Variants in MIPOL1 observed in about 807,000 individuals in gnomAD.
MIPOL1 encodes the protein mirror-image polydactyly 1.
In MIPOL1, 57 loss-of-function variants were observed where a neutral mutation model predicts 60.9. The observed-to-expected ratio is 0.94, with a 90% CI of 0.76 to 1.17. The LOEUF is 1.17. MIPOL1 is among the 50% of genes most tolerant of loss of function. The pLI, the probability that MIPOL1 is intolerant of heterozygous loss-of-function variation, is 0.00. For missense variants in MIPOL1, 551 were observed against 511.6 expected, an observed-to-expected ratio of 1.08 and a Z score of -0.74; for synonymous variants, 179 against 168.8, an observed-to-expected ratio of 1.06 and a Z score of -0.47.
At chr14:37,245,391 T>C (rs1357341698) in intron 1 of MIPOL1, among the ~76,000 whole-genome samples, 5 of 152,152 alleles carry the variant, frequency 3.3e-5, no homozygotes, top group Non-Finnish European at 4.4e-5. Flanking sequence ...AATTTTTACA[T>C]GAATAATAAG....
chr14:37,425,693 A>T (rs1322321686), intron 11 of MIPOL1, among the ~76,000 whole-genome samples: 2 of 152,198 alleles, frequency 1.3e-5, no homozygotes, highest in African/African-American at 4.8e-5. Context: ...CAATGTTAAG[A>T]TATATTTCTT....
At chr14:37,510,419 T>C (rs936457143) in intron 12 of MIPOL1, among the ~76,000 whole-genome samples, 1 of 152,010 alleles carries the variant, frequency 6.6e-6, no homozygotes, top group African/African-American at 2.4e-5. Flanking sequence ...TTGTTTTTGG[T>C]AGAGATGAGG....
chr14:37,247,883 A>G lies in MIPOL1; in HGVS notation c.-6A>G, dbSNP rs1973425409. ...ATTGCCAGAGCAAACAAGAACAGAA[A>G]TACAAATGGAGAACTGGTCAAAAGG... On this transcript the variant is annotated 5_prime_UTR_variant, in exon 3 of 13. Transcript: ENST00000684589. 1 of 1,613,198 alleles carries G rather than the reference A, an allele frequency of 6.2e-7. No homozygotes were observed. The highest frequency in any genetic ancestry group is 8.5e-7 in the Non-Finnish European group (1 of 1,179,502).
At chr14:37,521,590 A>G (rs2095413255) in intron 12 of MIPOL1, among the ~76,000 whole-genome samples, 2 of 152,020 alleles carry the variant, frequency 1.3e-5, no homozygotes, top group African/African-American at 4.8e-5. Flanking sequence ...AGTTACAACT[A>G]CCAAAGAAAA....
chr14:37,256,844 C>T (rs1975020079), intron 3 of MIPOL1, among the ~76,000 whole-genome samples: 1 of 151,646 alleles, frequency 6.6e-6, no homozygotes, highest in Admixed American at 6.6e-5. Context: ...AGTCTCTGCC[C>T]CTCCCCCAAG....
At chr14:37,405,645 C>G (rs965235291) in intron 10 of MIPOL1, among the ~76,000 whole-genome samples, 4 of 151,830 alleles carry the variant, frequency 2.6e-5, no homozygotes, top group Non-Finnish European at 5.9e-5. Context: ...TAAAACTGTT[C>G]ATAAATGAGA....
intron 11 of MIPOL1, among the ~76,000 whole-genome samples, chr14:37,476,303 T>C (rs1018542325): frequency 6.6e-6 from 1 of 152,164 alleles, no homozygotes. Flanking sequence ...TTTGGTTGGT[T>C]GGTTGATTGG....
chr14:37,237,035 C>A (rs527645056), intron 1 of MIPOL1, among the ~76,000 whole-genome samples: 2 of 152,000 alleles, frequency 1.3e-5, no homozygotes, highest in African/African-American at 4.8e-5. Flanking sequence ...GTCATGTGGT[C>A]ACGTGTTAAT....
intron 11 of MIPOL1, among the ~76,000 whole-genome samples, chr14:37,432,612 T>C (rs1020688840): frequency 4.6e-5 from 7 of 152,252 alleles, no homozygotes; most frequent in African/African-American, 1.7e-4. Context: ...AAAATTTCTT[T>C]TTTTTTTAGA....
intron 12 of MIPOL1, among the ~76,000 whole-genome samples, chr14:37,527,704 G>A (rs892480001): frequency 6.6e-6 from 1 of 152,042 alleles, no homozygotes; most frequent in Non-Finnish European, 1.5e-5. Context: ...TTCAAATATT[G>A]TAAATGCTTA....
chr14:37,279,116 T>C (rs1337481186), intron 6 of MIPOL1, among the ~76,000 whole-genome samples: 2 of 151,440 alleles, frequency 1.3e-5, no homozygotes, highest in Non-Finnish European at 3.0e-5. Flanking sequence ...ACATAGTAGC[T>C]AATAATATTT....
chr14:37,274,216 A>G (rs2083483403), intron 6 of MIPOL1, among the ~76,000 whole-genome samples: 1 of 151,474 alleles, frequency 6.6e-6, no homozygotes, highest in African/African-American at 2.4e-5. Flanking sequence ...ACCTATGATA[A>G]ACTTTCATGT....
rs144132862 is a variant in MIPOL1, at chr14:37,548,370, C to G, written c.*1399C>G. The stretch of plus-strand genomic sequence containing the variant: ...AAAAGAATCATAATGCTAACAAACT[C>G]TATTTCTTCCTTATTAAATCTGTAT... On this transcript the variant is annotated 3_prime_UTR_variant, in exon 13 of 13. Coordinates refer to ENST00000684589, the MANE Select transcript of MIPOL1 (RefSeq NM_001388067.1). 6.6e-6 allele frequency: 1 copy of G among 152,068 alleles called. No homozygotes were observed. Among genetic ancestry groups the G allele is most frequent in the African/African-American group, 2.4e-5 (1 of 41,544 alleles). 9.4% of individuals were successfully genotyped at this position (152,068 alleles called of 1,614,324 possible).
intron 12 of MIPOL1, among the ~76,000 whole-genome samples, chr14:37,518,687 A>G (rs754999373): frequency 5.9e-5 from 9 of 152,164 alleles, no homozygotes; most frequent in Non-Finnish European, 1.2e-4. Flanking sequence ...AAAAGGGCTT[A>G]AAAGCAACAC....
chr14:37,209,365 T>G (rs2139263821), intron 1 of MIPOL1, among the ~76,000 whole-genome samples: 1 of 152,278 alleles, frequency 6.6e-6, no homozygotes, highest in East Asian at 1.9e-4. Context: ...TTTTAGAAAT[T>G]ATATAACATA....
intron 1 of MIPOL1, among the ~76,000 whole-genome samples, chr14:37,200,892 GTGTGTGTA>G (rs1398391337): frequency 5.2e-5 from 3 of 57,796 alleles, no homozygotes; most frequent in Non-Finnish European, 3.1e-5. Context: ...GTGTGTGTGT[GTGTGTGTA>G]TTTTTTTTTT....
At chr14:37,506,324 A>T (rs190484193) in intron 12 of MIPOL1, 1 of 152,116 alleles carries the variant, frequency 6.6e-6, no homozygotes, top group East Asian at 1.9e-4. Context: ...AAAGCTGGAG[A>T]CATCATGCTA....
chr14:37,517,231 G>C (rs536713160), intron 12 of MIPOL1, among the ~76,000 whole-genome samples: 1 of 152,234 alleles, frequency 6.6e-6, no homozygotes, highest in East Asian at 1.9e-4. Flanking sequence ...GCTTTGAAAA[G>C]TATAATGTGC....
chr14:37,251,669 CTA>C (rs1329439488), intron 3 of MIPOL1, among the ~76,000 whole-genome samples: 1 of 151,418 alleles, frequency 6.6e-6, no homozygotes, highest in African/African-American at 2.4e-5. Context: ...ATATACATAA[CTA>C]TGTAAGAAAA....
Sources: gnomAD v4.1 joint callset for allele counts (sites outside exome capture counted in the v4.1 genomes callset) on GRCh38, gnomAD v4.1.1 for gene constraint, MANE v1.5 for transcripts, NCBI Gene and HGNC (gene_info 2026-07-23, HGNC 2026-07-21) for gene names.